The following CALD1 variants were observed in gnomAD, a reference collection of about 807,000 sequenced individuals.
The protein encoded by CALD1 is caldesmon.
CALD1 carries 33 observed loss-of-function variants against 99.9 expected under a neutral mutation model. That is an observed-to-expected ratio of 0.33 (90% CI 0.25 to 0.44). The LOEUF is 0.44. Ranked by LOEUF, CALD1 falls within the 20% of genes least tolerant of loss-of-function variation. The pLI is 1.00. For missense variants in CALD1, 861 were observed against 962.1 expected, an observed-to-expected ratio of 0.89 and a Z score of 1.39; for synonymous variants, 310 against 325.0, an observed-to-expected ratio of 0.95 and a Z score of 0.50.
intron 1 of CALD1, among the ~76,000 whole-genome samples, chr7:134,803,765 G>A (rs1003154369): frequency 2.7e-5 from 4 of 150,036 alleles, no homozygotes; most frequent in Non-Finnish European, 4.4e-5. Flanking sequence ...GCACAATCTC[G>A]GCTCGCTGCA....
intron 3 of CALD1, among the ~76,000 whole-genome samples, chr7:134,876,941 A>C (rs1341216995): frequency 2.6e-5 from 4 of 152,220 alleles, no homozygotes; most frequent in African/African-American, 9.6e-5. Flanking sequence ...ATCTAGAGTC[A>C]TGAAGACTTA....
At chr7:134,890,215 G>C (rs896741557) in intron 3 of CALD1, among the ~76,000 whole-genome samples, 1 of 152,102 alleles carries the variant, frequency 6.6e-6, no homozygotes, top group South Asian at 2.1e-4. Flanking sequence ...TATAAACTAC[G>C]ACTCTGATGA....
chr7:134,909,142 C>T (rs982873511), intron 3 of CALD1, among the ~76,000 whole-genome samples: 1 of 152,038 alleles, frequency 6.6e-6, no homozygotes, highest in African/African-American at 2.4e-5. Context: ...TAATATTAAG[C>T]CAACTTCACA....
intron 1 of CALD1, among the ~76,000 whole-genome samples, chr7:134,772,062 T>C (rs1796882044): frequency 6.6e-6 from 1 of 152,012 alleles, no homozygotes; most frequent in Non-Finnish European, 1.5e-5. Context: ...TCAGTAAATA[T>C]TTGTTCAGTG....
At chr7:134,910,214 C>T (rs767539861) in intron 3 of CALD1, among the ~76,000 whole-genome samples, 3 of 152,168 alleles carry the variant, frequency 2.0e-5, no homozygotes, top group Non-Finnish European at 4.4e-5. Flanking sequence ...GATTTTAGGT[C>T]AACTACCAAG....
intron 1 of CALD1, among the ~76,000 whole-genome samples, chr7:134,765,409 GT>G (rs537269982): frequency 2.0e-5 from 3 of 152,010 alleles, no homozygotes; most frequent in Non-Finnish European, 4.4e-5. Flanking sequence ...GAACAAATGA[GT>G]TTTTTTTAAA....
Position 134,933,307 on chromosome 7 carries a change from G to C in CALD1, c.538G>C (p.Ala180Pro). 1 of 1,604,100 alleles carries C rather than the reference G, an allele frequency of 6.2e-7. No individual in the cohort carries two copies. ...KSYQKNDWRDAEENKKEDKEK... is the reference protein window; with the variant it reads ...KSYQKNDWRDPEENKKEDKEK... The stretch of plus-strand genomic sequence containing the variant: ...CTACCAGAAGAATGATTGGAGGGAT[G>C]CTGAAGAAAACAAGAAAGAAGACAA... The change falls in exon 5 of 15, where the codon GCT becomes CCT. Residue 180 changes from alanine (A) to proline (P), a missense_variant. By Grantham distance (27) the Ala-to-Pro change is conservative. Coordinates refer to ENST00000361675, the MANE Select transcript of CALD1 (RefSeq NM_033138.4).
At chr7:134,846,512 G>T (rs1277794090) in intron 2 of CALD1, among the ~76,000 whole-genome samples, 2 of 152,114 alleles carry the variant, frequency 1.3e-5, no homozygotes, top group African/African-American at 2.4e-5. Context: ...TCCCTAATTT[G>T]CCCTGCTAGC....
chr7:134,763,792 C>G (rs946665937), intron 1 of CALD1, among the ~76,000 whole-genome samples: 1 of 151,876 alleles, frequency 6.6e-6, no homozygotes, highest in Non-Finnish European at 1.5e-5. Context: ...GTGGCAGGCA[C>G]CTGTAATCCC....
chr7:134,872,135 AGGTG>A (rs1216598148), intron 3 of CALD1, among the ~76,000 whole-genome samples: 1 of 152,184 alleles, frequency 6.6e-6, no homozygotes, highest in East Asian at 1.9e-4. Flanking sequence ...TGGGAGGCTG[AGGTG>A]GGTGGTCAGG....
intron 1 of CALD1, among the ~76,000 whole-genome samples, chr7:134,815,652 G>A (rs1798532177): frequency 6.6e-6 from 1 of 152,070 alleles, no homozygotes; most frequent in African/African-American, 2.4e-5. Flanking sequence ...AGCCTATGAG[G>A]TCCTATACCA....
chr7:134,834,715 G>C (rs1799363724), intron 1 of CALD1, among the ~76,000 whole-genome samples: 2 of 152,290 alleles, frequency 1.3e-5, no homozygotes, highest in South Asian at 2.1e-4. Flanking sequence ...ATGTCACTAG[G>C]CACTTGGAAA....
chr7:134,881,636 T>C (rs1050576955), intron 3 of CALD1, among the ~76,000 whole-genome samples: 7 of 152,256 alleles, frequency 4.6e-5, no homozygotes, highest in Non-Finnish European at 1.0e-4. Flanking sequence ...GGTTTCATGC[T>C]GGTCATGTGC....
At chr7:134,964,994 T>C (rs1215936545) in intron 13 of CALD1, among the ~76,000 whole-genome samples, 1 of 152,082 alleles carries the variant, frequency 6.6e-6, no homozygotes, top group Admixed American at 6.6e-5. Flanking sequence ...CACACGCCTG[T>C]AATCCCAGCT....
intron 8 of CALD1, chr7:134,948,092 A>G (rs1420362504): frequency 9.2e-6 from 2 of 216,866 alleles, no homozygotes; most frequent in Non-Finnish European, 1.8e-5. Flanking sequence ...CATCATTAAA[A>G]CCCTTTACTG....
intron 1 of CALD1, among the ~76,000 whole-genome samples, chr7:134,772,877 C>T (rs1796887701): frequency 6.6e-6 from 1 of 152,148 alleles, no homozygotes; most frequent in African/African-American, 2.4e-5. Context: ...CAGCTATTGT[C>T]CTGGGATTTT....
chr7:134,875,364 G>A (rs1801297507), intron 3 of CALD1, among the ~76,000 whole-genome samples: 1 of 152,172 alleles, frequency 6.6e-6, no homozygotes, highest in African/African-American at 2.4e-5. Context: ...CACTGGGCGC[G>A]GTGGCTCACG....
intron 1 of CALD1, among the ~76,000 whole-genome samples, chr7:134,771,125 T>TG (rs1436963189): frequency 6.6e-6 from 1 of 152,136 alleles, no homozygotes; most frequent in Non-Finnish European, 1.5e-5. Context: ...CTGTAAATAT[T>TG]GGGGTGTTAG....
At chr7:134,919,758 A>G (rs1253801329) in intron 3 of CALD1, among the ~76,000 whole-genome samples, 1 of 152,204 alleles carries the variant, frequency 6.6e-6, no homozygotes, top group African/African-American at 2.4e-5. Flanking sequence ...CTGATACAGC[A>G]ATGAACCCCA....
Sources: allele counts gnomAD v4.1 joint callset (sites outside exome capture counted in the v4.1 genomes callset), GRCh38; gene constraint gnomAD v4.1.1; transcripts MANE v1.5; gene names NCBI Gene and HGNC (gene_info 2026-07-23, HGNC 2026-07-21).